Variants in MATCAP2 observed in about 807,000 individuals in gnomAD.
The protein encoded by MATCAP2 is putative tyrosine carboxypeptidase MATCAP2.
At chr7:36,347,062 T>C in the MATCAP2 span, among the ~76,000 whole-genome samples, 1 of 152,156 alleles carries the variant, frequency 6.6e-6, no homozygotes, top group African/African-American at 2.4e-5. Flanking sequence ...TCCGGTCTAT[T>C]TTATTGCTTA....
chr7:36,380,953 G>C, the MATCAP2 span, among the ~76,000 whole-genome samples: 4 of 152,014 alleles, frequency 2.6e-5, no homozygotes, highest in Non-Finnish European at 5.9e-5. Context: ...CTGGTGGTTT[G>C]GTTTTGTTTT....
chr7:36,378,853 G>A, the MATCAP2 span, among the ~76,000 whole-genome samples: 1 of 152,344 alleles, frequency 6.6e-6, no homozygotes, highest in East Asian at 1.9e-4. Flanking sequence ...GTTCGATCTC[G>A]GACTGCTGTG....
chr7:36,326,539 T>G, the MATCAP2 span: 1 of 345,212 alleles, frequency 2.9e-6, no homozygotes, highest in Admixed American at 4.6e-5. Flanking sequence ...TCTGTCGAGA[T>G]TCAGAAAATA....
chr7:36,369,617 A>G, the MATCAP2 span, among the ~76,000 whole-genome samples: 2 of 152,220 alleles, frequency 1.3e-5, no homozygotes, highest in Non-Finnish European at 2.9e-5. Flanking sequence ...ATTTTAAGTA[A>G]CCAAGATACA....
the MATCAP2 span, chr7:36,389,869 T>A: frequency 1.9e-5 from 25 of 1,335,918 alleles, no homozygotes; most frequent in South Asian, 2.9e-4. Context: ...GCCGAGTCCG[T>A]CACTGGAAGC....
chr7:36,371,510 G>T, the MATCAP2 span, among the ~76,000 whole-genome samples: 1 of 152,160 alleles, frequency 6.6e-6, no homozygotes, highest in Non-Finnish European at 1.5e-5. Context: ...TTCATAAGTT[G>T]ATGGAGTTTT....
chr7:36,352,514 T>A, the MATCAP2 span, among the ~76,000 whole-genome samples: 1,051 of 148,644 alleles, frequency 7.1e-3, 6 homozygotes, highest in Middle Eastern at 0.035. Context: ...GATATATCAC[T>A]CTTAATGTTT....
chr7:36,390,249 G>A, the MATCAP2 span: 1 of 758,428 alleles, frequency 1.3e-6, no homozygotes, highest in East Asian at 2.7e-5. Flanking sequence ...CGGTCCTACA[G>A]ATAAAACTCA....
chr7:36,334,988 TTTC>T, the MATCAP2 span: 16 of 1,496,792 alleles, frequency 1.1e-5, no homozygotes, highest in Non-Finnish European at 1.4e-5. Context: ...TAAAAGAACA[TTTC>T]TTTAGAGCTA....
the MATCAP2 span, among the ~76,000 whole-genome samples, chr7:36,328,724 G>A: frequency 3.7e-4 from 55 of 150,470 alleles, no homozygotes; most frequent in Admixed American, 3.1e-3. Context: ...CAGCCTGGGC[G>A]ACAGAGTAAG....
the MATCAP2 span, among the ~76,000 whole-genome samples, chr7:36,388,632 G>T: frequency 2.0e-5 from 3 of 152,274 alleles, no homozygotes; most frequent in Non-Finnish European, 4.4e-5. Flanking sequence ...ATCTGATACA[G>T]AAATTATGTA....
chr7:36,381,957 A>G, the MATCAP2 span, among the ~76,000 whole-genome samples: 1 of 152,174 alleles, frequency 6.6e-6, no homozygotes, highest in Non-Finnish European at 1.5e-5. Flanking sequence ...ACAGACATCA[A>G]TGGAGTGCAA....
the MATCAP2 span, among the ~76,000 whole-genome samples, chr7:36,327,165 T>C: frequency 6.6e-6 from 1 of 151,902 alleles, no homozygotes; most frequent in Non-Finnish European, 1.5e-5. Flanking sequence ...TGAGATGGAG[T>C]TTCATTCTTG....
At chr7:36,351,675 C>G in the MATCAP2 span, among the ~76,000 whole-genome samples, 74,296 of 151,770 alleles carry the variant, frequency 0.49, 18,499 homozygotes, top group Non-Finnish European at 0.52. Context: ...GGCCAGGTGT[C>G]GTGGCTCATG....
chr7:36,357,789 G>T, the MATCAP2 span, among the ~76,000 whole-genome samples: 1 of 152,250 alleles, frequency 6.6e-6, no homozygotes, highest in South Asian at 2.1e-4. Flanking sequence ...TCTTCTCTAT[G>T]AGTATATATA....
the MATCAP2 span, chr7:36,367,075 G>A: frequency 7.9e-7 from 1 of 1,271,714 alleles, no homozygotes; most frequent in Non-Finnish European, 9.8e-7. Context: ...GCTACCTGGA[G>A]CAGGATAAGG....
chr7:36,349,235 A>C, the MATCAP2 span, among the ~76,000 whole-genome samples: 1 of 152,220 alleles, frequency 6.6e-6, no homozygotes. Flanking sequence ...TGTGGAGAGC[A>C]GGGGAGAGAC....
At chr7:36,373,519 T>A in the MATCAP2 span, among the ~76,000 whole-genome samples, 1 of 152,140 alleles carries the variant, frequency 6.6e-6, no homozygotes, top group Non-Finnish European at 1.5e-5. Context: ...TGAAGGTCAG[T>A]ATGATTGAAG....
the MATCAP2 span, among the ~76,000 whole-genome samples, chr7:36,348,891 G>T: frequency 6.6e-6 from 1 of 152,196 alleles, no homozygotes; most frequent in Non-Finnish European, 1.5e-5. Flanking sequence ...TTCCTGGGAT[G>T]GACAGGCACT....
Sources: allele counts gnomAD v4.1 joint callset (sites outside exome capture counted in the v4.1 genomes callset), GRCh38; gene constraint gnomAD v4.1.1; transcripts MANE v1.5; gene names NCBI Gene and HGNC (gene_info 2026-07-23, HGNC 2026-07-21).